The following FER variants were observed in gnomAD, a reference collection of about 807,000 sequenced individuals.
The protein encoded by FER is FER tyrosine kinase.
FER carries 63 observed loss-of-function variants against 111.0 expected under a neutral mutation model. That is an observed-to-expected ratio of 0.57 (90% confidence interval 0.46 to 0.70). FER has a LOEUF of 0.70. FER is among the 30% of genes least tolerant of loss of function. The probability of loss-of-function intolerance (pLI) is 0.00; values close to 1 mark genes in which losing one functional copy is unlikely to be tolerated. For missense variants in FER, 914 were observed against 954.0 expected (o/e 0.96, Z 0.55); for synonymous variants, 327 against 313.9 (o/e 1.04, Z -0.44).
chr5:108,841,680 T>C lies in FER; in HGVS notation c.481+5873T>C, dbSNP rs143641867. On this transcript the variant is annotated intron_variant, in intron 5 of 19. Transcript: ENST00000281092. ...TAAAAACATGAATAGTGAAGGTTTGTGTCAGGAGTAACAAAGTAGTATTTA... is the reference window on the plus strand; with the variant it reads ...TAAAAACATGAATAGTGAAGGTTTGCGTCAGGAGTAACAAAGTAGTATTTA... Among the ~76,000 whole-genome samples, 31 of 152,326 alleles carry C rather than the reference T, an allele frequency of 2.0e-4. No homozygotes were observed. In the East Asian group the frequency reaches 6.0e-3, roughly 29 times the overall value.
intron 10 of FER, among the ~76,000 whole-genome samples, chr5:108,919,536 A>G (rs1396369265): frequency 6.6e-6 from 1 of 152,182 alleles, no homozygotes; most frequent in Non-Finnish European, 1.5e-5. Flanking sequence ...GTGTCATTTA[A>G]CAAAACTTAC....
intron 13 of FER, among the ~76,000 whole-genome samples, chr5:108,983,419 A>G (rs1257682182): frequency 1.3e-5 from 2 of 152,086 alleles, no homozygotes; most frequent in African/African-American, 4.8e-5. Flanking sequence ...ACCAAGTTGA[A>G]ATCTAATTAT....
chr5:109,169,239 A>G (rs1004417240), intron 17 of FER, among the ~76,000 whole-genome samples: 5 of 152,202 alleles, frequency 3.3e-5, no homozygotes, highest in African/African-American at 1.2e-4. Context: ...TCTTAATACC[A>G]TAAAGTCTTA....
chr5:109,117,024 G>A (rs1263944774), intron 17 of FER, among the ~76,000 whole-genome samples: 1 of 152,014 alleles, frequency 6.6e-6, no homozygotes, highest in Non-Finnish European at 1.5e-5. Context: ...ATTTGTCCAG[G>A]CTTTTAGCTT....
intron 3 of FER, among the ~76,000 whole-genome samples, chr5:108,814,341 CA>C (rs1361388004): frequency 1.3e-5 from 2 of 152,026 alleles, no homozygotes; most frequent in Non-Finnish European, 2.9e-5. Context: ...GTCCACAGTG[CA>C]AAGCAAAAGC....
At chr5:109,146,144 GA>G (rs1240968490) in intron 17 of FER, among the ~76,000 whole-genome samples, 1 of 126,896 alleles carries the variant, frequency 7.9e-6, no homozygotes, top group African/African-American at 2.8e-5. Flanking sequence ...AAACAACAGA[GA>G]GGGGGACTGA....
At chr5:108,896,896 A>G (rs915905034) in intron 9 of FER, among the ~76,000 whole-genome samples, 2 of 152,164 alleles carry the variant, frequency 1.3e-5, no homozygotes, top group Non-Finnish European at 2.9e-5. Context: ...CCTTTTTGGA[A>G]ATTATTGTAA....
intron 13 of FER, among the ~76,000 whole-genome samples, chr5:108,992,161 C>T (rs1763272791): frequency 6.6e-6 from 1 of 152,170 alleles, no homozygotes; most frequent in African/African-American, 2.4e-5. Context: ...TGAGTGGACA[C>T]AGCACATGTT....
At chr5:108,839,290 G>A (rs886910132) in intron 5 of FER, among the ~76,000 whole-genome samples, 1 of 152,216 alleles carries the variant, frequency 6.6e-6, no homozygotes, top group African/African-American at 2.4e-5. Flanking sequence ...CACAAATCAG[G>A]TGAAGGTAAT....
At chr5:108,921,228 T>A (rs1210553406) in intron 10 of FER, among the ~76,000 whole-genome samples, 2 of 152,170 alleles carry the variant, frequency 1.3e-5, no homozygotes, top group African/African-American at 4.8e-5. Context: ...CTACAATTAT[T>A]ACTATTTTGT....
chr5:108,842,514 G>A (rs1448154379), intron 5 of FER: 2 of 151,966 alleles, frequency 1.3e-5, no homozygotes, highest in Non-Finnish European at 2.9e-5. Context: ...CTAAAATCCA[G>A]AATCTACAAC....
At position 109,005,291 on chromosome 5, in the gene FER, T is replaced by C. The variant is rs529703418; in HGVS notation, c.1657-32131T>C. Among the ~76,000 whole-genome samples the C allele has an allele frequency of 2.6e-5, 4 of 151,906 alleles. No individual in the cohort carries two copies. In the East Asian group the frequency reaches 7.8e-4, roughly 30 times the overall value. ...TCTGAGGAGTCAGCCTCCTGGGGCA[T>C]GTAATAGATCCAAGCAGGAGAGAGG... On this transcript the variant is annotated intron_variant, in intron 13 of 19. Transcript: ENST00000281092.
rs189504301 is a variant in FER, at chr5:109,027,457, A to G, written c.1657-9965A>G. The stretch of plus-strand genomic sequence containing the variant: ...GAATAGAATAAGGTTGTTCTTTACT[A>G]TTAGCAGTATTTTCTTTTGGTGGGC... On this transcript the variant is annotated intron_variant, in intron 13 of 19. Transcript: ENST00000281092. Among the ~76,000 whole-genome samples, 27 of 152,318 alleles carry G rather than the reference A, an allele frequency of 1.8e-4. 1 individual carries two copies. The East Asian group carries it at 5.0e-3, about 28-fold the overall frequency.
At chr5:108,775,150 TC>T (rs1272995068) in intron 2 of FER, among the ~76,000 whole-genome samples, 1 of 152,210 alleles carries the variant, frequency 6.6e-6, no homozygotes, top group Non-Finnish European at 1.5e-5. Context: ...GACTAGGAGA[TC>T]CTTTCCCCAT....
At chr5:108,858,903 C>A (rs1763256741) in intron 5 of FER, among the ~76,000 whole-genome samples, 1 of 148,664 alleles carries the variant, frequency 6.7e-6, no homozygotes, top group Non-Finnish European at 1.5e-5. Flanking sequence ...TCTGATTTTT[C>A]TAATTATATG....
chr5:108,967,759 C>CAAA (rs774855414), intron 13 of FER, among the ~76,000 whole-genome samples: 664 of 34,344 alleles, frequency 0.019, 76 homozygotes, highest in African/African-American at 0.064. Context: ...GACTCCGTCT[C>CAAA]AAAAAAAAAA....
chr5:109,113,921 T>C (rs1486833619), intron 17 of FER, among the ~76,000 whole-genome samples: 1 of 152,120 alleles, frequency 6.6e-6, no homozygotes, highest in African/African-American at 2.4e-5. Flanking sequence ...GGAAAAGCCA[T>C]GGGAAATAGG....
At chr5:108,960,760 C>G (rs1210663974) in intron 13 of FER, among the ~76,000 whole-genome samples, 1 of 152,088 alleles carries the variant, frequency 6.6e-6, no homozygotes, top group Non-Finnish European at 1.5e-5. Context: ...TCAAACTGTG[C>G]TTATCACCTT....
At chr5:109,123,909 A>C (rs1751332772) in intron 17 of FER, among the ~76,000 whole-genome samples, 1 of 152,170 alleles carries the variant, frequency 6.6e-6, no homozygotes, top group Admixed American at 6.5e-5. Context: ...TTGTATGTTT[A>C]CATTATGTTT....
Sources: allele counts gnomAD v4.1 joint callset (sites outside exome capture counted in the v4.1 genomes callset), GRCh38; gene constraint gnomAD v4.1.1; transcripts MANE v1.5; gene names NCBI Gene and HGNC (gene_info 2026-07-23, HGNC 2026-07-21).